The following SLC24A5 variants were observed in gnomAD, a reference collection of about 807,000 sequenced individuals.
The protein encoded by SLC24A5 is sodium/potassium/calcium exchanger 5.
A neutral mutation model predicts 51.6 loss-of-function variants in SLC24A5; 46 were observed. That is an observed-to-expected ratio of 0.89 (90% CI 0.70 to 1.14). The LOEUF (loss-of-function observed/expected upper bound fraction) is 1.14, where lower values mean the gene tolerates loss of function less well. SLC24A5 is among the 50% of genes most tolerant of loss of function. The probability of loss-of-function intolerance (pLI) is 0.00; values close to 1 mark genes in which losing one functional copy is unlikely to be tolerated. For synonymous variants in SLC24A5, 230 were observed against 214.9 expected (o/e 1.07, Z -0.62); for missense variants, 581 against 604.1 (o/e 0.96, Z 0.40).
At chr15:48,138,872 T>TA (rs775313695) in intron 6 of SLC24A5, 97 bp from the exon 7 acceptor site, 17 of 886,062 alleles carry the variant, frequency 1.9e-5, no homozygotes, top group Non-Finnish European at 2.8e-5. Flanking sequence ...TAAAAACTGA[T>TA]ACAGCTAATT....
In SLC24A5 at chr15:48,121,888, A is replaced by T; in HGVS notation, c.153A>T (p.Ser51=). The T allele has an allele frequency of 1.9e-6, 3 of 1,614,112 alleles. No individual in the cohort carries two copies. Among genetic ancestry groups the T allele is most frequent in the Non-Finnish European group, 2.5e-6 (3 of 1,179,992 alleles). ...GCACCCAATGTGTTATTTCTCCATC[A>T]TCGGAGTTTCCCGAAGGGTTTTTCA... ...GNSTQCVISP[S]SEFPEGFFTR... Residue 51 remains serine (S), a synonymous_variant, in exon 2 of 9, where the codon TCA becomes TCT. Coordinates refer to ENST00000341459, the MANE Select transcript of SLC24A5 (RefSeq NM_205850.3).
At chr15:48,138,905 T>C (rs562132653) in intron 6 of SLC24A5, 64 bp from the exon 7 acceptor site, 8 of 1,186,816 alleles carry the variant, frequency 6.7e-6, no homozygotes, top group Admixed American at 2.2e-5. Context: ...ACTTTCTAAA[T>C]AGGCATTTCT....
At chr15:48,125,710 T>G (rs986613446) in intron 2 of SLC24A5, among the ~76,000 whole-genome samples, 1 of 152,168 alleles carries the variant, frequency 6.6e-6, no homozygotes. Flanking sequence ...TATAGGTGAT[T>G]GTAAATCAAT....
chr15:48,140,116 T>G (rs1442064562), intron 7 of SLC24A5: 1 of 151,824 alleles, frequency 6.6e-6, no homozygotes, highest in African/African-American at 2.4e-5. Context: ...AATGAAAAAG[T>G]CCAATTAGCT....
At chr15:48,129,462 A>G (rs1376484078) in intron 2 of SLC24A5, among the ~76,000 whole-genome samples, 4 of 152,126 alleles carry the variant, frequency 2.6e-5, no homozygotes, top group Non-Finnish European at 4.4e-5. Flanking sequence ...CATGGTCACT[A>G]GAGTTGGGTC....
rs764629254 is a variant in SLC24A5 at position 48,138,920 on chromosome 15, TA to T, written c.872-47del. 62 of 1,380,076 alleles carry T rather than the reference TA, an allele frequency of 4.5e-5. 1 individual carries two copies. The Middle Eastern group carries it at 4.5e-3, about 100-fold the overall frequency. 85.5% of individuals were successfully genotyped at this position (1,380,076 alleles called of 1,614,324 possible). On this transcript the variant is annotated intron_variant, in intron 6 of 8. Transcript: ENST00000341459. ...ACTTTCTAAATAGGCATTTCTAACT[TA>T]ATTAGCCATTTGAGAAAACTCAAAA...
chr15:48,129,591 A>G (rs1442859040), intron 2 of SLC24A5, among the ~76,000 whole-genome samples: 1 of 152,156 alleles, frequency 6.6e-6, no homozygotes, highest in African/African-American at 2.4e-5. Flanking sequence ...CTGTAACTAT[A>G]TTAAAATGTG....
At chr15:48,130,951 G>A (rs1393021632) in intron 2 of SLC24A5, among the ~76,000 whole-genome samples, 1 of 152,050 alleles carries the variant, frequency 6.6e-6, no homozygotes, top group African/African-American at 2.4e-5. Flanking sequence ...CAGGGTTTAT[G>A]CCCTAACTCT....
chr15:48,127,710 C>G lies in SLC24A5; in HGVS notation c.301+5674C>G, dbSNP rs185190028. Among the ~76,000 whole-genome samples, 43 of 152,272 alleles carry G rather than the reference C, an allele frequency of 2.8e-4. No individual in the cohort carries two copies. The East Asian group carries it at 7.9e-3, about 28-fold the overall frequency. ...GCAGGCACCTGGCCTGTAATCCCAG[C>G]TCCTCGGGAGGCTGAGGCAGGAGAA... is the stretch of plus-strand genomic sequence containing the variant. On this transcript the variant is annotated intron_variant, in intron 2 of 8. Transcript: ENST00000341459.
In SLC24A5 at chr15:48,134,445, C is replaced by G; in HGVS notation, c.396C>G (p.Ile132Met). ...CTATCTTGCACATAGGTGTATTTATCACAAAGGGAGATATTGGCATTAGCA... is the reference window on the plus strand; with the variant it reads ...CTATCTTGCACATAGGTGTATTTATGACAAAGGGAGATATTGGCATTAGCA... ...ELVTAFLGVF[I>M]TKGDIGISTI... The change falls in exon 4 of 9, where the codon ATC (isoleucine) becomes ATG (methionine). Residue 132 changes from isoleucine to methionine, a missense_variant. Physicochemically the swap from Ile to Met is conservative, Grantham distance 10. Transcript: ENST00000341459. 1 of 1,613,168 alleles carries G rather than the reference C, an allele frequency of 6.2e-7. No individual in the cohort carries two copies. Among genetic ancestry groups the G allele is most frequent in the Middle Eastern group, 1.7e-4 (1 of 6,054 alleles).
chr15:48,139,260 C>A, intron 7 of SLC24A5, 85 bp downstream of exon 7: 1 of 1,132,768 alleles, frequency 8.8e-7, no homozygotes, highest in Non-Finnish European at 1.3e-6. Flanking sequence ...AGTCTAGCTA[C>A]ACAGCAAATT....
intron 2 of SLC24A5, among the ~76,000 whole-genome samples, chr15:48,125,603 A>T (rs1311066612): frequency 6.6e-6 from 1 of 152,220 alleles, no homozygotes; most frequent in Non-Finnish European, 1.5e-5. Flanking sequence ...TGACAAAAAA[A>T]TATCAAATAC....
chr15:48,134,615 C>A, intron 4 of SLC24A5, 77 bp downstream of exon 4: 1 of 1,069,318 alleles, frequency 9.4e-7, no homozygotes. Context: ...CTGGGATGGA[C>A]AACAGGGCAC....
Position 48,134,480 on chromosome 15 carries a change from G to C in SLC24A5, c.431G>C (p.Gly144Ala), listed in dbSNP as rs1456386459. Residue 144 changes from glycine (G) to alanine (A), a missense_variant, in exon 4 of 9, where the codon GGA becomes GCA. Coordinates refer to ENST00000341459, the MANE Select transcript of SLC24A5 (RefSeq NM_205850.3). ...GATATTGGCATTAGCACCATCCTTG[G>C]ATCTGCAATTTATAATCTCCTTGGC... ...KGDIGISTIL[G>A]SAIYNLLGIC... The C allele has an allele frequency of 6.2e-7, 1 of 1,613,548 alleles. No homozygotes were observed. Among genetic ancestry groups the C allele is most frequent in the South Asian group, 1.1e-5 (1 of 91,060 alleles).
intron 2 of SLC24A5, chr15:48,123,520 T>C (rs997122599): frequency 6.6e-6 from 1 of 152,212 alleles, no homozygotes; most frequent in African/African-American, 2.4e-5. Flanking sequence ...AATGATATCA[T>C]GATAGTCCAT....
chr15:48,134,582 T>C (rs1306090014), intron 4 of SLC24A5, 44 bp downstream of exon 4: 1 of 1,496,266 alleles, frequency 6.7e-7, no homozygotes, highest in African/African-American at 1.4e-5. Context: ...TCTTAAAAAA[T>C]TCTAAAGATA....
At position 48,142,278 on chromosome 15, in the gene SLC24A5, G is replaced by A. The variant is rs2039118328; in HGVS notation, c.1430G>A (p.Gly477Glu). The A allele has an allele frequency of 6.2e-7, 1 of 1,613,486 alleles. No homozygotes were observed. Among genetic ancestry groups the A allele is most frequent in the Non-Finnish European group, 8.5e-7 (1 of 1,179,696 alleles). Residue 477 changes from glycine (G) to glutamate (E), a missense_variant, in exon 9 of 9, where the codon GGG (glycine) becomes GAG (glutamate). Gly to Glu is a moderately conservative substitution (Grantham distance 98). Coordinates refer to ENST00000341459, the MANE Select transcript of SLC24A5 (RefSeq NM_205850.3). ...ATAGTCTGCCTATTATCATACTTGG[G>A]GCTTGCTACATTATCAGTTCTATAT... ...LGIVCLLSYL[G>E]LATLSVLYEL...
intron 2 of SLC24A5, 127 bp downstream of exon 2, chr15:48,122,163 G>A (rs2038686341): frequency 2.1e-6 from 2 of 940,686 alleles, no homozygotes; most frequent in South Asian, 2.6e-5. Flanking sequence ...GCTTCTTGTT[G>A]TGGGGTCCCG....
At chr15:48,137,000 G>A (rs775812510) in intron 6 of SLC24A5, 37 bp downstream of exon 6, 36 of 1,553,930 alleles carry the variant, frequency 2.3e-5, no homozygotes, top group Middle Eastern at 1.7e-4. Context: ...AAGTCTATTC[G>A]CAAAGGAAAA....
Sources: gnomAD v4.1 joint callset for allele counts (sites outside exome capture counted in the v4.1 genomes callset) on GRCh38, gnomAD v4.1.1 for gene constraint, MANE v1.5 for transcripts, NCBI Gene and HGNC (gene_info 2026-07-23, HGNC 2026-07-21) for gene names.